Variants in MAP3K21 observed in about 807,000 individuals in gnomAD.
MAP3K21 encodes mitogen-activated protein kinase kinase kinase 21, also known as mitogen-activated protein kinase kinase kinase MLK4.
In MAP3K21, 63 loss-of-function variants were observed where a neutral mutation model predicts 86.1. The ratio of observed to expected loss-of-function variants is 0.73; its 90% confidence interval spans 0.60 to 0.90. MAP3K21 has a LOEUF of 0.90. Among genes scored for constraint, MAP3K21 ranks in the 40% least tolerant of loss-of-function variants. The pLI is 0.00. For missense variants in MAP3K21, 1,220 were observed against 1,367.7 expected, an observed-to-expected ratio of 0.89 and a Z score of 1.70; for synonymous variants, 558 against 564.8, an observed-to-expected ratio of 0.99 and a Z score of 0.17.
Position 233,376,493 on chromosome 1 carries a change from C to T in MAP3K21, c.1890C>T (p.Thr630=). 6.2e-7 allele frequency: 1 copy of T among 1,613,668 alleles called. No individual in the cohort carries two copies. Among genetic ancestry groups the T allele is most frequent in the Non-Finnish European group, 8.5e-7 (1 of 1,179,746 alleles). The stretch of plus-strand genomic sequence containing the variant: ...CTATCTTAATAAAAAATCAGAAAAC[C>T]ATGCCCTTGGCTTCATTGTTTGTGG... The part of the protein sequence containing the change: ...WSTILIKNQK[T]MPLASLFVDQ... The change falls in exon 8 of 10, where the codon ACC becomes ACT. Residue 630 remains threonine (T), a synonymous_variant. Transcript: ENST00000366624.
intron 6 of MAP3K21, among the ~76,000 whole-genome samples, chr1:233,374,323 C>T (rs868546258): frequency 5.3e-5 from 8 of 151,898 alleles, no homozygotes; most frequent in Non-Finnish European, 8.8e-5. Flanking sequence ...TTACAGGTGC[C>T]CGCCACCACG....
chr1:233,348,534 T>C (rs1443573695), intron 2 of MAP3K21, among the ~76,000 whole-genome samples: 4 of 152,210 alleles, frequency 2.6e-5, no homozygotes, highest in African/African-American at 9.6e-5. Flanking sequence ...GGCCATATGG[T>C]AATTCTGTGT....
intron 5 of MAP3K21, among the ~76,000 whole-genome samples, chr1:233,362,929 A>G (rs990971830): frequency 8.5e-5 from 13 of 152,260 alleles, no homozygotes; most frequent in African/African-American, 2.9e-4. Flanking sequence ...TATATCAATC[A>G]ATCAATACAT....
intron 1 of MAP3K21, among the ~76,000 whole-genome samples, chr1:233,339,259 TTCTTCTTCC>T (rs1191655875): frequency 0.028 from 1,141 of 41,400 alleles, 135 homozygotes; most frequent in East Asian, 0.054. Context: ...CTTCTTCTTC[TTCTTCTTCC>T]TCTTCTTCTT....
chr1:233,334,011 C>T (rs1332011348), intron 1 of MAP3K21, among the ~76,000 whole-genome samples: 12 of 152,140 alleles, frequency 7.9e-5, no homozygotes, highest in Admixed American at 3.9e-4. Context: ...TACAGGCGCC[C>T]GCCACCACGC....
chr1:233,339,256 TTCTTCTTCTTCC>T (rs1372373855), intron 1 of MAP3K21, among the ~76,000 whole-genome samples: 1,386 of 45,966 alleles, frequency 0.03, 149 homozygotes, highest in South Asian at 0.035. Flanking sequence ...CTTCTTCTTC[TTCTTCTTCTTCC>T]TCTTCTTCTT....
At chr1:233,333,453 G>GT (rs1424837002) in intron 1 of MAP3K21, among the ~76,000 whole-genome samples, 1 of 152,132 alleles carries the variant, frequency 6.6e-6, no homozygotes, top group African/African-American at 2.4e-5. Flanking sequence ...GTATTAAAAA[G>GT]TAAGTAGCTG....
chr1:233,365,270 G>GTCCCA (rs1663551895), intron 5 of MAP3K21, among the ~76,000 whole-genome samples: 1 of 151,952 alleles, frequency 6.6e-6, no homozygotes, highest in African/African-American at 2.4e-5. Context: ...AACAAAAATA[G>GTCCCA]ACAATTGGGA....
At chr1:233,362,502 G>A (rs1297980459) in intron 5 of MAP3K21, among the ~76,000 whole-genome samples, 2 of 152,176 alleles carry the variant, frequency 1.3e-5, no homozygotes, top group Non-Finnish European at 2.9e-5. Flanking sequence ...GGAGCACGTG[G>A]TAGTCACAGC....
In MAP3K21 at chr1:233,382,458, G is replaced by T. The variant is rs138700859; in HGVS notation, c.2858G>T (p.Arg953Leu). ...PQRRPASLRS[R>L]SDLPQAYPQT... ...CGTCGCCCTGCCTCCCTGAGAAGCC[G>T]CTCAGATCTGCCTCAGGCTTACCCA... is the stretch of plus-strand genomic sequence containing the variant. Residue 953 changes from arginine (R) to leucine (L), a missense_variant, in exon 10 of 10, where the codon CGC (arginine) becomes CTC (leucine). Transcript: ENST00000366624. The T allele has an allele frequency of 1.2e-6, 2 of 1,613,994 alleles. No individual in the cohort carries two copies. Among genetic ancestry groups the T allele is most frequent in the South Asian group, 2.2e-5 (2 of 91,082 alleles).
chr1:233,334,304 T>G (rs1338857675), intron 1 of MAP3K21, among the ~76,000 whole-genome samples: 1 of 151,994 alleles, frequency 6.6e-6, no homozygotes, highest in African/African-American at 2.4e-5. Flanking sequence ...CACCTCTGGC[T>G]CTATCTAGCA....
rs34499091 is a variant in MAP3K21, at chr1:233,379,705, C to T, written c.2699C>T (p.Thr900Ile). The change falls in exon 9 of 10, where the codon ACC becomes ATC. Residue 900 changes from threonine (T) to isoleucine (I), a missense_variant. Physicochemically the swap from Thr to Ile is moderately conservative, Grantham distance 89 (BLOSUM62 -1). Transcript: ENST00000366624. ...HRRTMSDGNPTPTGATIISAT... is the reference protein window; with the variant it reads ...HRRTMSDGNPIPTGATIISAT... ...CGGACCATGTCTGATGGAAATCCGACCCCAAGTAGGTTGCATTAATTAGGT... is the reference window on the plus strand; with the variant it reads ...CGGACCATGTCTGATGGAAATCCGATCCCAAGTAGGTTGCATTAATTAGGT... The T allele has an allele frequency of 1.9e-4, 305 of 1,607,760 alleles. No individual in the cohort carries two copies. The highest frequency in any genetic ancestry group is 2.5e-4 in the Admixed American group (15 of 59,966).
At position 233,328,281 on chromosome 1, in the gene MAP3K21, G is replaced by T; in HGVS notation, c.253G>T (p.Val85Leu). Residue 85 changes from valine to leucine, a missense_variant, in exon 1 of 10, where the codon GTG becomes TTG. Transcript: ENST00000366624. This position sits in a 1 kb window ranked among gnomAD's most constrained non-coding sequence, Gnocchi z 8.7. ...SGDEGWWAGQVQRRLGIFPAN... is the reference protein window; with the variant it reads ...SGDEGWWAGQLQRRLGIFPAN... ...CGACGAGGGCTGGTGGGCAGGCCAG[G>T]TGCAGCGGCGCCTCGGCATCTTCCC... The T allele has an allele frequency of 6.7e-7, 1 of 1,489,390 alleles. No homozygotes were observed. The highest frequency in any genetic ancestry group is 8.9e-7 in the Non-Finnish European group (1 of 1,127,596). The allele number at this position is 1,489,390 out of a possible 1,614,324, so 92.3% of individuals were successfully genotyped here.
At chr1:233,345,697 C>G (rs920539947) in intron 1 of MAP3K21, among the ~76,000 whole-genome samples, 20 of 151,454 alleles carry the variant, frequency 1.3e-4, no homozygotes, top group African/African-American at 4.8e-4. Context: ...AAACCTGCAC[C>G]TTGTGCACAT....
intron 5 of MAP3K21, among the ~76,000 whole-genome samples, chr1:233,371,126 C>G (rs1181781542): frequency 6.6e-6 from 1 of 152,158 alleles, no homozygotes; most frequent in Non-Finnish European, 1.5e-5. Flanking sequence ...TACCATATTA[C>G]AGTTAGATAA....
In MAP3K21 at chr1:233,379,141, G is replaced by C; in HGVS notation, c.2135G>C (p.Arg712Thr). 6.2e-7 allele frequency: 1 copy of C among 1,614,216 alleles called. No homozygotes were observed. Among genetic ancestry groups the C allele is most frequent in the Non-Finnish European group, 8.5e-7 (1 of 1,180,022 alleles). Residue 712 changes from arginine to threonine, a missense_variant, in exon 9 of 10, where the codon AGA becomes ACA. By Grantham distance (71) the Arg-to-Thr change is moderately conservative (BLOSUM62 -1). Around this residue, in one of 5 missense-constraint regions of MAP3K21, gnomAD observed 632 missense variants for 691.3 expected, o/e 0.91. Coordinates refer to ENST00000366624, the MANE Select transcript of MAP3K21 (RefSeq NM_032435.3). ...ATGACTCCTACGAATAGTCTGAGTA[G>C]ATCCCCCCAGAGAAAGAAAACGGAG... The part of the protein sequence containing the change: ...IEMTPTNSLS[R>T]SPQRKKTESA...
At chr1:233,365,537 G>A (rs976475935) in intron 5 of MAP3K21, among the ~76,000 whole-genome samples, 4 of 152,126 alleles carry the variant, frequency 2.6e-5, no homozygotes, top group Non-Finnish European at 4.4e-5. Context: ...GCTTAGCATC[G>A]CTAATCCTCA....
intron 1 of MAP3K21, among the ~76,000 whole-genome samples, chr1:233,344,663 A>G (rs1435196934): frequency 6.6e-6 from 1 of 152,220 alleles, no homozygotes; most frequent in Non-Finnish European, 1.5e-5. Flanking sequence ...TTCAGGACAT[A>G]GGCATGGGCA....
intron 2 of MAP3K21, among the ~76,000 whole-genome samples, chr1:233,348,633 A>G (rs1455451667): frequency 1.3e-5 from 2 of 151,738 alleles, no homozygotes. Context: ...CAGGGTTCCG[A>G]TTTCTCTCCA....
Sources: allele counts gnomAD v4.1 joint callset (sites outside exome capture counted in the v4.1 genomes callset), GRCh38; gene constraint gnomAD v4.1.1; regional missense constraint gnomAD v4.1.1; non-coding constraint Gnocchi (gnomAD v3.1); transcripts MANE v1.5; gene names NCBI Gene and HGNC (gene_info 2026-07-23, HGNC 2026-07-21).